The following PDS5A variants were observed in gnomAD, a reference collection of about 807,000 sequenced individuals.
PDS5A encodes the protein sister chromatid cohesion protein PDS5 homolog A.
Under a neutral mutation model 167.1 loss-of-function variants are expected in PDS5A, and 42 were observed. That is an observed-to-expected ratio of 0.25 (90% CI 0.20 to 0.33). The LOEUF is 0.33. PDS5A is among the 10% of genes least tolerant of loss of function. PDS5A has a pLI of 1.00. For missense variants in PDS5A, 1,033 were observed against 1,605.9 expected (o/e 0.64, Z 6.10); for synonymous variants, 553 against 554.6 (o/e 1.00, Z 0.04).
At chr4:39,826,238 C>G (rs1216641161) in intron 32 of PDS5A, among the ~76,000 whole-genome samples, 2 of 150,586 alleles carry the variant, frequency 1.3e-5, no homozygotes, top group Non-Finnish European at 2.9e-5. Flanking sequence ...ATTCTGATCC[C>G]TGGAAGCACA....
chr4:39,970,992 A>C lies in PDS5A; in HGVS notation c.138+5448T>G, dbSNP rs115426024. ...TTGTCATGTTGCCCAGGCCTATCTC[A>C]AATTCCTGGGCTCAAGTGTTCCTCC... On this transcript the variant is annotated intron_variant, in intron 2 of 32. Transcript: ENST00000303538. Among the ~76,000 whole-genome samples the C allele has an allele frequency of 2.8e-3, 431 of 151,442 alleles. 1 individual carries two copies. The highest frequency in any genetic ancestry group is 5.7e-3 in the Admixed American group (87 of 15,202).
intron 5 of PDS5A, among the ~76,000 whole-genome samples, chr4:39,924,382 C>A (rs1284276301): frequency 1.3e-5 from 2 of 152,204 alleles, no homozygotes; most frequent in Non-Finnish European, 2.9e-5. Context: ...TATGTTCTAT[C>A]ATTTACTTTA....
chr4:39,957,786 C>CA (rs34253629), intron 2 of PDS5A, among the ~76,000 whole-genome samples: 3,299 of 87,520 alleles, frequency 0.038, 114 homozygotes, highest in East Asian at 0.21. Flanking sequence ...GACTCCATCT[C>CA]AAAAAAAAAA....
intron 13 of PDS5A, among the ~76,000 whole-genome samples, chr4:39,901,958 G>C (rs948125533): frequency 6.6e-6 from 1 of 152,094 alleles, no homozygotes; most frequent in African/African-American, 2.4e-5. Flanking sequence ...AAATAATCCA[G>C]TTGGACCATT....
chr4:39,971,763 A>G (rs1730565737), intron 2 of PDS5A, among the ~76,000 whole-genome samples: 1 of 152,170 alleles, frequency 6.6e-6, no homozygotes, highest in Non-Finnish European at 1.5e-5. Flanking sequence ...TCCGGGCTTA[A>G]GCTCTCTTTG....
chr4:39,975,885 T>C lies in PDS5A; in HGVS notation c.138+555A>G, dbSNP rs140503387. ...TAGGACTGCCATGCTTAAACAAAAT[T>C]AGCTGACACCTCATAAAAAGGGCCA... On this transcript the variant is annotated intron_variant, in intron 2 of 32. Coordinates refer to ENST00000303538, the MANE Select transcript of PDS5A (RefSeq NM_001100399.2). 2.0e-5 allele frequency among the ~76,000 whole-genome samples: 3 copies of C among 152,278 alleles called. No individual in the cohort carries two copies. In the East Asian group the frequency reaches 5.8e-4, roughly 29 times the overall value.
At position 39,954,670 on chromosome 4, in the gene PDS5A, T is replaced by TAAATAAAAAAAAAAAAAAAAAAAAAAAAA. The variant is rs1553908181; in HGVS notation, c.138+21769_138+21770insTTTTTTTTTTTTTTTTTTTTTTTTTATTT. Among the ~76,000 whole-genome samples the TAAATAAAAAAAAAAAAAAAAAAAAAAAAA allele has an allele frequency of 4.1e-5, 2 of 48,280 alleles. 1 individual carries two copies. Among genetic ancestry groups the TAAATAAAAAAAAAAAAAAAAAAAAAAAAA allele is most frequent in the Non-Finnish European group, 8.1e-5 (2 of 24,548 alleles). 31.7% of individuals were successfully genotyped at this position (48,280 alleles called of 152,430 possible). The stretch of plus-strand genomic sequence containing the variant: ...TAAGTACCCATTGTCAAGAGATAAG[T>TAAATAAAAAAAAAAAAAAAAAAAAAAAAA]AAAAAAAAAAAAAAAAAAAAAAAAA... On this transcript the variant is annotated intron_variant, in intron 2 of 32. Transcript: ENST00000303538.
chr4:39,863,463 TA>T lies in PDS5A; in HGVS notation c.2643-5del. On this transcript the variant is annotated splice_polypyrimidine_tract_variant and splice_region_variant and intron_variant, in intron 23 of 32. Coordinates refer to ENST00000303538, the MANE Select transcript of PDS5A (RefSeq NM_001100399.2). ...CAAGCGAGACATATCAGATTTACTA[TA>T]AACAAACAAAAAAGAAATAAACATT... 1 of 1,579,224 alleles carries T rather than the reference TA, an allele frequency of 6.3e-7. No individual in the cohort carries two copies. The highest frequency in any genetic ancestry group is 8.6e-7 in the Non-Finnish European group (1 of 1,165,324).
intron 8 of PDS5A, among the ~76,000 whole-genome samples, chr4:39,916,267 A>AGG (rs1233540572): frequency 1.3e-5 from 2 of 152,106 alleles, no homozygotes; most frequent in Non-Finnish European, 1.5e-5. Flanking sequence ...GCAGTATTAA[A>AGG]CTTTTACAAA....
In PDS5A at chr4:39,926,759, GTT is replaced by G. The variant is rs78652598; in HGVS notation, c.429+14_429+15del. 468 of 1,044,488 alleles carry G rather than the reference GTT, an allele frequency of 4.5e-4. No homozygotes were observed. Among genetic ancestry groups the G allele is most frequent in the South Asian group, 9.6e-4 (46 of 47,838 alleles). The allele number at this position is 1,044,488 out of a possible 1,614,324, so 64.7% of individuals were successfully genotyped here. A position where few individuals can be genotyped will look rare whatever the true frequency, so the allele number is the denominator to read the frequency against. On this transcript the variant is annotated intron_variant, in intron 4 of 32. Transcript: ENST00000303538. ...TGAAATAATGTTAATAGTTATTAAA[GTT>G]TTTTTTTTTTTACCTCTAATAAATA...
chr4:39,827,814 T>C (rs1369912081), intron 32 of PDS5A, among the ~76,000 whole-genome samples: 1 of 152,190 alleles, frequency 6.6e-6, no homozygotes, highest in Non-Finnish European at 1.5e-5. Flanking sequence ...TCCCCAGAAG[T>C]CACAAATTTG....
Position 39,963,274 on chromosome 4 carries a change from G to A in PDS5A, c.138+13166C>T, listed in dbSNP as rs943244387. ...AGTTCGAGACTAGCCTGGCTAACAT[G>A]GTGATACTCCATCTGTATTAAAATA... On this transcript the variant is annotated intron_variant, in intron 2 of 32. Transcript: ENST00000303538. Among the ~76,000 whole-genome samples the A allele has an allele frequency of 3.3e-5, 5 of 152,118 alleles. No homozygotes were observed. In the East Asian group the frequency reaches 7.8e-4, roughly 24 times the overall value.
At chr4:39,842,466 CTATT>C (rs1254838786) in intron 30 of PDS5A, among the ~76,000 whole-genome samples, 3 of 152,098 alleles carry the variant, frequency 2.0e-5, no homozygotes, top group African/African-American at 7.2e-5. Flanking sequence ...TCAGAAGAGG[CTATT>C]TGGTAGGTAT....
chr4:39,934,792 C>T (rs1265469177), intron 2 of PDS5A, among the ~76,000 whole-genome samples: 1 of 151,674 alleles, frequency 6.6e-6, no homozygotes, highest in Non-Finnish European at 1.5e-5. Flanking sequence ...TTTTTTGAGA[C>T]AAATTAACTC....
intron 17 of PDS5A, among the ~76,000 whole-genome samples, chr4:39,886,217 G>C (rs1384080775): frequency 6.6e-6 from 1 of 152,104 alleles, no homozygotes; most frequent in East Asian, 1.9e-4. Context: ...TTTGGTTACT[G>C]TAGTTTTGTA....
In PDS5A at chr4:39,824,330, CATTT is replaced by C. The variant is rs1445221189; in HGVS notation, c.*1151_*1154del. The C allele has an allele frequency of 1.3e-5, 2 of 152,084 alleles. No homozygotes were observed. Among genetic ancestry groups the C allele is most frequent in the Admixed American group, 6.5e-5 (1 of 15,274 alleles). The allele number at this position is 152,084 out of a possible 1,614,324, so 9.4% of individuals were successfully genotyped here. On this transcript the variant is annotated 3_prime_UTR_variant, in exon 33 of 33. Coordinates refer to ENST00000303538, the MANE Select transcript of PDS5A (RefSeq NM_001100399.2). ...AAAAGACTGCCATGACATCTAGAAGCATTTATTTTATGCAAAAAACTTAAATATG... is the reference window on the plus strand; with the variant it reads ...AAAAGACTGCCATGACATCTAGAAGCATTTTATGCAAAAAACTTAAATATG...
At chr4:39,941,165 T>G (rs535756815) in intron 2 of PDS5A, among the ~76,000 whole-genome samples, 1 of 152,222 alleles carries the variant, frequency 6.6e-6, no homozygotes. Flanking sequence ...CTGTCTTTCC[T>G]GCACTAGACT....
intron 32 of PDS5A, among the ~76,000 whole-genome samples, chr4:39,836,241 TC>T (rs899795970): frequency 8.5e-5 from 13 of 152,170 alleles, no homozygotes; most frequent in African/African-American, 2.7e-4. Flanking sequence ...GTAAAATTTG[TC>T]CCTAATACTG....
chr4:39,900,120 T>G (rs115767016), intron 14 of PDS5A, among the ~76,000 whole-genome samples: 1 of 152,176 alleles, frequency 6.6e-6, no homozygotes, highest in African/African-American at 2.4e-5. Flanking sequence ...AAATATGATG[T>G]TTAATGTAAT....
Sources: allele counts gnomAD v4.1 joint callset (sites outside exome capture counted in the v4.1 genomes callset), GRCh38; gene constraint gnomAD v4.1.1; transcripts MANE v1.5; gene names NCBI Gene and HGNC (gene_info 2026-07-23, HGNC 2026-07-21).